The following FAM107A variants were observed in gnomAD, a reference collection of about 807,000 sequenced individuals.
FAM107A encodes family with sequence similarity 107 member A.
A neutral mutation model predicts 13.7 loss-of-function variants in FAM107A; 19 were observed. The observed-to-expected ratio is 1.38, with a 90% CI of 0.97 to 2.03. FAM107A has a LOEUF of 2.03. Ranked by LOEUF, FAM107A falls within the 30% of genes most tolerant of loss-of-function variation. The probability of loss-of-function intolerance (pLI) is 0.00; values close to 1 mark genes in which losing one functional copy is unlikely to be tolerated. For synonymous variants in FAM107A, 82 were observed against 74.5 expected (o/e 1.10, Z -0.52); for missense variants, 203 against 184.4 (o/e 1.10, Z -0.58).
chr3:58,577,370 C>T lies in FAM107A; in HGVS notation c.-67G>A, dbSNP rs1185067764. The T allele has an allele frequency of 9.1e-6, 9 of 985,284 alleles. No individual in the cohort carries two copies. Among genetic ancestry groups the T allele is most frequent in the South Asian group, 9.4e-5 (2 of 21,278 alleles). The allele number at this position is 985,284 out of a possible 1,614,324, so 61.0% of individuals were successfully genotyped here. On this transcript the variant is annotated 5_prime_UTR_variant, in exon 1 of 4. Transcript: ENST00000360997. This position sits in a 1 kb window ranked among gnomAD's most constrained non-coding sequence, Gnocchi z 4.9. ...CGTGTTGCTGGGTTCCTCACTCCAC[C>T]GGGAAGTCCCAGACTAGCAAGGAGG...
upstream of FAM107A, among the ~76,000 whole-genome samples, chr3:58,587,390 C>T (rs545628135): frequency 6.6e-6 from 1 of 152,290 alleles, no homozygotes; most frequent in East Asian, 1.9e-4. Context: ...GTTACCTAAC[C>T]TCGCAGAAAC....
chr3:58,592,569 C>T (rs1030415242), intron 1 of FAM107A, among the ~76,000 whole-genome samples: 1 of 152,206 alleles, frequency 6.6e-6, no homozygotes, highest in African/African-American at 2.4e-5. Context: ...CTTCCCACCT[C>T]TATACAGTCC....
upstream of FAM107A, chr3:58,589,175 G>T (rs188106900): frequency 5.6e-6 from 8 of 1,431,100 alleles, no homozygotes; most frequent in African/African-American, 9.9e-5. Flanking sequence ...GACTCTGGCC[G>T]CACCCAGGAA....
Position 58,569,678 on chromosome 3 carries a change from G to T in FAM107A, c.170+13C>A. On this transcript the variant is annotated intron_variant, in intron 2 of 3. Transcript: ENST00000360997. The surrounding 1 kb of genome is among the most constrained non-coding windows in gnomAD (Gnocchi z 5.7). ...GTGCTTGCGGGGCCCAGGCAGCAGG[G>T]CTTCATCCCTACCTTCTGTGGTTCA... The T allele has an allele frequency of 6.2e-7, 1 of 1,607,588 alleles. No individual in the cohort carries two copies. The highest frequency in any genetic ancestry group is 8.5e-7 in the Non-Finnish European group (1 of 1,177,326).
chr3:58,572,433 A>T (rs1197301946), intron 1 of FAM107A, among the ~76,000 whole-genome samples: 2 of 152,184 alleles, frequency 1.3e-5, no homozygotes, highest in Admixed American at 1.3e-4. Context: ...AAGATCTGAC[A>T]GTTGAGAATG....
At chr3:58,578,565 CA>C (rs1466369200), upstream of FAM107A, among the ~76,000 whole-genome samples, 1 of 151,516 alleles carries the variant, frequency 6.6e-6, no homozygotes, top group Admixed American at 6.6e-5. Flanking sequence ...AAGACTGTCT[CA>C]AAAAAACCCA....
chr3:58,588,310 C>G (rs1185115623), upstream of FAM107A, among the ~76,000 whole-genome samples: 1 of 152,250 alleles, frequency 6.6e-6, no homozygotes, highest in Non-Finnish European at 1.5e-5. Context: ...TACCACCTCC[C>G]TTTGCGGCCT....
Position 58,613,779 on chromosome 3 carries a change from G to T in FAM107A, c.-70+13637C>A, listed in dbSNP as rs1000172782. 1.3e-5 allele frequency among the ~76,000 whole-genome samples: 2 copies of T among 152,204 alleles called. No individual in the cohort carries two copies. Among genetic ancestry groups the T allele is most frequent in the Non-Finnish European group, 2.9e-5 (2 of 68,042 alleles). Reference sequence around the variant, plus strand: ...CCCAAGTGCTCAGCTTACCACAGCTGCCAAGTCCTTGCCCTGGGATGGTGG... The same window carrying T: ...CCCAAGTGCTCAGCTTACCACAGCTTCCAAGTCCTTGCCCTGGGATGGTGG... On this transcript the variant is annotated intron_variant, in intron 1 of 3. Coordinates refer to the FAM107A transcript ENST00000465970. This position sits in a 1 kb window ranked among gnomAD's most constrained non-coding sequence, Gnocchi z 4.6.
upstream of FAM107A, chr3:58,589,283 G>C (rs771178646): frequency 1.3e-6 from 2 of 1,517,476 alleles, no homozygotes; most frequent in South Asian, 2.4e-5. Flanking sequence ...TAAACAGAAA[G>C]AAAGTAGGTG....
rs1575443253 is a variant in FAM107A at position 58,577,374 on chromosome 3, A to G, written c.-71T>C. ...TTGCTGGGTTCCTCACTCCACCGGG[A>G]AGTCCCAGACTAGCAAGGAGGGCTG... On this transcript the variant is annotated 5_prime_UTR_variant, in exon 1 of 4. Coordinates refer to ENST00000360997, the MANE Select transcript of FAM107A (RefSeq NM_001076778.3). The surrounding 1 kb of genome is among the most constrained non-coding windows in gnomAD (Gnocchi z 4.9). 15 of 985,414 alleles carry G rather than the reference A, an allele frequency of 1.5e-5. No homozygotes were observed. The highest frequency in any genetic ancestry group is 1.6e-5 in the Non-Finnish European group (13 of 829,958). The allele number at this position is 985,414 out of a possible 1,614,324, so 61.0% of individuals were successfully genotyped here.
At position 58,564,695 on chromosome 3, in the gene FAM107A, C is replaced by A. The variant is rs1426126261; in HGVS notation, c.*1893G>T. The A allele has an allele frequency of 6.6e-6, 1 of 152,294 alleles. No homozygotes were observed. Among genetic ancestry groups the A allele is most frequent in the Non-Finnish European group, 1.5e-5 (1 of 68,068 alleles). 9.4% of individuals were successfully genotyped at this position (152,294 alleles called of 1,614,324 possible). ...CTCTGTCTTGCTTCTCTTCACATGT[C>A]TGAACAACACATGGACCCGAGGGCT... On this transcript the variant is annotated 3_prime_UTR_variant, in exon 4 of 4. Coordinates refer to ENST00000360997, the MANE Select transcript of FAM107A (RefSeq NM_001076778.3). This position sits in a 1 kb window ranked among gnomAD's most constrained non-coding sequence, Gnocchi z 5.6.
intron 1 of FAM107A, among the ~76,000 whole-genome samples, chr3:58,601,538 C>T (rs1422140071): frequency 6.6e-6 from 1 of 152,134 alleles, no homozygotes; most frequent in Non-Finnish European, 1.5e-5. Flanking sequence ...TTTAGTGGTC[C>T]TAACTGATGG....
At chr3:58,574,982 G>A (rs929947789) in intron 1 of FAM107A, among the ~76,000 whole-genome samples, 5 of 152,170 alleles carry the variant, frequency 3.3e-5, no homozygotes, top group African/African-American at 1.2e-4. Flanking sequence ...AGAGAGTAAG[G>A]AGAGACAGAA....
rs1056073657 is a variant in FAM107A at position 58,604,263 on chromosome 3, A to T, written c.-69-14994T>A. ...TCTCTGCCCACAATTCAACATTATTATACTTGGGAGAGTGACATCCCAACT... is the reference window on the plus strand; with the variant it reads ...TCTCTGCCCACAATTCAACATTATTTTACTTGGGAGAGTGACATCCCAACT... On this transcript the variant is annotated intron_variant, in intron 1 of 3. Coordinates refer to the FAM107A transcript ENST00000465970. This position sits in a 1 kb window ranked among gnomAD's most constrained non-coding sequence, Gnocchi z 4.1. Among the ~76,000 whole-genome samples the T allele has an allele frequency of 6.6e-6, 1 of 152,082 alleles. No individual in the cohort carries two copies. Among genetic ancestry groups the T allele is most frequent in the African/African-American group, 2.4e-5 (1 of 41,400 alleles).
intron 1 of FAM107A, among the ~76,000 whole-genome samples, chr3:58,593,473 G>C (rs1287339468): frequency 1.3e-5 from 2 of 152,048 alleles, no homozygotes; most frequent in African/African-American, 4.8e-5. Context: ...CATCATAACT[G>C]ATATCTCCTG....
chr3:58,602,089 C>T (rs763897009), intron 1 of FAM107A, among the ~76,000 whole-genome samples: 6 of 152,072 alleles, frequency 3.9e-5, no homozygotes, highest in Non-Finnish European at 5.9e-5. Context: ...CACCAGGAAG[C>T]TGCTGAGTCT....
intron 1 of FAM107A, among the ~76,000 whole-genome samples, chr3:58,606,634 T>G (rs781128541): frequency 6.6e-6 from 1 of 152,244 alleles, no homozygotes; most frequent in Non-Finnish European, 1.5e-5. Flanking sequence ...TTAAGTGAGC[T>G]TAATCCAGTC....
intron 1 of FAM107A, among the ~76,000 whole-genome samples, chr3:58,615,992 AG>A (rs2065897996): frequency 6.7e-6 from 1 of 148,622 alleles, no homozygotes; most frequent in Non-Finnish European, 1.5e-5. Flanking sequence ...GCACAGGTGG[AG>A]GGAACAGTGG....
At chr3:58,584,584 G>T (rs756027427) in intron 1 of FAM107A, among the ~76,000 whole-genome samples, 1 of 152,204 alleles carries the variant, frequency 6.6e-6, no homozygotes, top group South Asian at 2.1e-4. Context: ...TCTCTTAAAT[G>T]GAGATAACAA....
Sources: gnomAD v4.1 joint callset for allele counts (sites outside exome capture counted in the v4.1 genomes callset) on GRCh38, gnomAD v4.1.1 for gene constraint, Gnocchi (gnomAD v3.1) non-coding constraint, MANE v1.5 for transcripts, NCBI Gene and HGNC (gene_info 2026-07-23, HGNC 2026-07-21) for gene names.